DIP2A: variants seen among roughly 807,000 people sequenced by gnomAD.
The protein encoded by DIP2A is disco-interacting protein 2 homolog A.
A neutral mutation model predicts 177.4 loss-of-function variants in DIP2A; 85 were observed. The observed-to-expected ratio is 0.48, with a 90% CI of 0.40 to 0.57. The LOEUF (loss-of-function observed/expected upper bound fraction) is 0.57. DIP2A is among the 20% of genes least tolerant of loss of function. The probability of loss-of-function intolerance (pLI) is 0.00; values close to 1 mark genes in which losing one functional copy is unlikely to be tolerated. For synonymous variants in DIP2A, 886 were observed against 881.8 expected, an observed-to-expected ratio of 1.00 and a Z score of -0.08; for missense variants, 1,791 against 2,100.2, an observed-to-expected ratio of 0.85 and a Z score of 2.88.
At chr21:46,547,140 C>T in intron 21 of DIP2A, 98 bp downstream of exon 21, 5 of 1,507,778 alleles carry the variant, frequency 3.3e-6, no homozygotes, top group Non-Finnish European at 4.4e-6. Flanking sequence ...AACTTGAATT[C>T]ACAAAGCCTA....
intron 1 of DIP2A, among the ~76,000 whole-genome samples, chr21:46,474,415 A>G (rs2055665217): frequency 6.6e-6 from 1 of 152,154 alleles, no homozygotes; most frequent in Non-Finnish European, 1.5e-5. Flanking sequence ...AAGAGAGCCT[A>G]GGAAAAAACT....
the DIP2A span, among the ~76,000 whole-genome samples, chr21:46,582,665 C>G: frequency 1.3e-5 from 2 of 152,010 alleles, 1 homozygote; most frequent in Admixed American, 1.3e-4. Context: ...ATGAGAGAAC[C>G]TGGGTACCTC....
At chr21:46,513,597 A>G (rs1267050648) in intron 8 of DIP2A, among the ~76,000 whole-genome samples, 1 of 152,160 alleles carries the variant, frequency 6.6e-6, no homozygotes, top group African/African-American at 2.4e-5. Context: ...GTCAATTTCC[A>G]TAAAAATTAC....
intron 3 of DIP2A, among the ~76,000 whole-genome samples, chr21:46,493,892 A>G (rs920915065): frequency 2.6e-5 from 4 of 152,182 alleles, no homozygotes; most frequent in East Asian, 3.9e-4. Flanking sequence ...CGAGCTCCAG[A>G]AATTCTGGGC....
In DIP2A at chr21:46,534,654, C is replaced by T. The variant is rs201190474; in HGVS notation, c.1609C>T (p.Arg537Trp). 1.2e-3 allele frequency: 1,855 copies of T among 1,611,708 alleles called. No homozygotes were observed. The highest frequency in any genetic ancestry group is 1.5e-3 in the Non-Finnish European group (1,728 of 1,179,838). ...CCACGCATCCCTGCTGGCACAGTGC[C>T]GGGCTCTGACCCAGGCGTGCGGGTA... ...VSHASLLAQC[R>W]ALTQACGYSE... The change falls in exon 13 of 38, where the codon CGG becomes TGG. Residue 537 changes from arginine (R) to tryptophan (W), a missense_variant. Transcript: ENST00000417564.
intron 1 of DIP2A, among the ~76,000 whole-genome samples, chr21:46,463,434 A>T (rs1973600084): frequency 6.6e-6 from 1 of 152,204 alleles, no homozygotes; most frequent in African/African-American, 2.4e-5. Flanking sequence ...TGGGTTAGAG[A>T]GGAAATTCCT....
chr21:46,538,492 C>T lies in DIP2A; in HGVS notation c.1811C>T (p.Ala604Val), dbSNP rs1024530625. 23 of 1,546,186 alleles carry T rather than the reference C, an allele frequency of 1.5e-5. No individual in the cohort carries two copies. Among genetic ancestry groups the T allele is most frequent in the Non-Finnish European group, 1.7e-5 (19 of 1,148,268 alleles). Residue 604 changes from alanine to valine, a missense_variant, in exon 16 of 38, where the codon GCG (alanine) becomes GTG (valine). Ala to Val is a moderately conservative substitution (Grantham distance 64, BLOSUM62 0). Transcript: ENST00000417564. Reference protein sequence around the residue: ...QKVCFYKARAALVKSRDMHWS... With the variant: ...QKVCFYKARAVLVKSRDMHWS... ...CATCCTCTCTCTGCAGCTCGGGCCG[C>T]GCTGGTGAAGTCGCGAGACATGCAC...
rs1945489821 is a variant in DIP2A, at chr21:46,532,124, T to C, written c.1195-3T>C. ...GAATATTCATTTCTTTGTCCTGTTGTAGGTGGCGCTCGTGTTTCCGAATAG... is the reference window on the plus strand; with the variant it reads ...GAATATTCATTTCTTTGTCCTGTTGCAGGTGGCGCTCGTGTTTCCGAATAG... On this transcript the variant is annotated splice_polypyrimidine_tract_variant and splice_region_variant and intron_variant, in intron 9 of 37. Coordinates refer to ENST00000417564, the MANE Select transcript of DIP2A (RefSeq NM_015151.4). The C allele has an allele frequency of 6.2e-7, 1 of 1,613,278 alleles. No homozygotes were observed. The highest frequency in any genetic ancestry group is 8.5e-7 in the Non-Finnish European group (1 of 1,179,464).
intron 1 of DIP2A, among the ~76,000 whole-genome samples, chr21:46,482,040 C>T (rs1247874787): frequency 6.6e-6 from 1 of 152,098 alleles, no homozygotes; most frequent in African/African-American, 2.4e-5. Context: ...CAGAGCAAAA[C>T]TCCGTCTCAA....
In DIP2A at chr21:46,496,970, G is replaced by T. The variant is rs756225398; in HGVS notation, c.284-18G>T. 4 of 1,593,232 alleles carry T rather than the reference G, an allele frequency of 2.5e-6. 1 individual carries two copies. The Admixed American group carries it at 7.5e-5, about 30-fold the overall frequency. On this transcript the variant is annotated intron_variant, in intron 3 of 37. Transcript: ENST00000417564. ...CAGTCTTGTAAAAAGTATTTTTACTGCTGTCCTTCCTGTGTAGATGTCCAC... is the reference window on the plus strand; with the variant it reads ...CAGTCTTGTAAAAAGTATTTTTACTTCTGTCCTTCCTGTGTAGATGTCCAC...
At chr21:46,533,947 G>A (rs1372736013) in intron 11 of DIP2A, 57 bp from the exon 12 acceptor site, 10 of 1,447,142 alleles carry the variant, frequency 6.9e-6, no homozygotes, top group Admixed American at 5.5e-5. Context: ...GGCTTCGAGT[G>A]TGGGGAGCAG....
intron 8 of DIP2A, among the ~76,000 whole-genome samples, chr21:46,523,724 C>G (rs1172345672): frequency 6.6e-6 from 1 of 150,834 alleles, no homozygotes. Context: ...CTTGCAAAGG[C>G]TTTTAACTGC....
intron 5 of DIP2A, among the ~76,000 whole-genome samples, chr21:46,501,817 T>C (rs1033143799): frequency 6.6e-6 from 1 of 152,254 alleles, no homozygotes; most frequent in Non-Finnish European, 1.5e-5. Context: ...ATTTATTCTT[T>C]TTGCTAGATT....
chr21:46,562,973 C>T (rs1714655347), intron 34 of DIP2A, among the ~76,000 whole-genome samples: 1 of 152,212 alleles, frequency 6.6e-6, no homozygotes, highest in African/African-American at 2.4e-5. Context: ...CTGCCATGTA[C>T]AGCCGCACTG....
Position 46,554,287 on chromosome 21 carries a change from C to T in DIP2A, c.3149C>T (p.Pro1050Leu), listed in dbSNP as rs1456699703. Reference sequence around the variant, plus strand: ...GGGGACCATGTGGCTCTGGTCTACCCACCAGGTGGGCTCACTGTGGGGCTG... The same window carrying T: ...GGGGACCATGTGGCTCTGGTCTACCTACCAGGTGGGCTCACTGTGGGGCTG... ...SVGDHVALVY[P>L]PGVDLIAAFY... is the part of the protein sequence containing the mutation. Residue 1050 changes from proline to leucine, a missense_variant, in exon 26 of 38, where the codon CCA becomes CTA. Transcript: ENST00000417564. The T allele has an allele frequency of 6.2e-7, 1 of 1,613,842 alleles. No individual in the cohort carries two copies.
chr21:46,501,310 G>A (rs1214279151), intron 5 of DIP2A, among the ~76,000 whole-genome samples: 1 of 152,132 alleles, frequency 6.6e-6, no homozygotes, highest in Non-Finnish European at 1.5e-5. Context: ...TTATACAAAT[G>A]TAAATACCTA....
intron 1 of DIP2A, among the ~76,000 whole-genome samples, chr21:46,470,213 G>T (rs1240233502): frequency 6.6e-6 from 1 of 152,130 alleles, no homozygotes; most frequent in African/African-American, 2.4e-5. Flanking sequence ...AGTAGCTCAT[G>T]CCTGTAACCC....
intron 1 of DIP2A, among the ~76,000 whole-genome samples, chr21:46,477,420 G>A (rs1341701452): frequency 6.6e-6 from 1 of 151,214 alleles, no homozygotes; most frequent in Non-Finnish European, 1.5e-5. Flanking sequence ...CCAGCTACTT[G>A]GGAGGCTGAG....
intron 7 of DIP2A, among the ~76,000 whole-genome samples, chr21:46,510,393 C>T (rs558808300): frequency 2.0e-5 from 3 of 152,236 alleles, no homozygotes; most frequent in South Asian, 4.2e-4. Flanking sequence ...CCCTCACAGA[C>T]ACACCCAGGA....
Sources: allele counts gnomAD v4.1 joint callset (sites outside exome capture counted in the v4.1 genomes callset), GRCh38; gene constraint gnomAD v4.1.1; transcripts MANE v1.5; gene names NCBI Gene and HGNC (gene_info 2026-07-23, HGNC 2026-07-21).